TTC3: variants seen among roughly 807,000 people sequenced by gnomAD.
TTC3 encodes tetratricopeptide repeat domain 3.
TTC3 carries 180 observed loss-of-function variants against 249.6 expected under a neutral mutation model. The ratio of observed to expected loss-of-function variants is 0.72; its 90% CI spans 0.64 to 0.82. TTC3 has a LOEUF of 0.82. Ranked by LOEUF, TTC3 falls within the 40% of genes least tolerant of loss-of-function variation. The pLI, the probability that TTC3 is intolerant of heterozygous loss-of-function variation, is 0.00. For synonymous variants in TTC3, 717 were observed against 805.0 expected (o/e 0.89, Z 1.85); for missense variants, 2,061 against 2,398.4 (o/e 0.86, Z 2.94).
At chr21:37,122,701 A>T (rs2076722730) in intron 12 of TTC3, among the ~76,000 whole-genome samples, 1 of 152,028 alleles carries the variant, frequency 6.6e-6, no homozygotes, top group Non-Finnish European at 1.5e-5. Flanking sequence ...TAAGATGGTG[A>T]GCTCCTTGAA....
At chr21:37,090,004 A>G (rs994968027) in intron 5 of TTC3, among the ~76,000 whole-genome samples, 6 of 151,488 alleles carry the variant, frequency 4.0e-5, no homozygotes, top group Admixed American at 6.6e-5. Flanking sequence ...AAAAATTCAC[A>G]TGTCTAAAGA....
chr21:37,194,442 G>C (rs1321750983), intron 41 of TTC3: 1 of 152,148 alleles, frequency 6.6e-6, no homozygotes, highest in Non-Finnish European at 1.5e-5. Flanking sequence ...TTGGTGACCA[G>C]ATGAACTTCT....
chr21:37,076,687 C>G (rs369745705), intron 1 of TTC3, among the ~76,000 whole-genome samples: 2 of 111,738 alleles, frequency 1.8e-5, no homozygotes, highest in Non-Finnish European at 3.7e-5. Context: ...TTGGGGAAAA[C>G]AAAGGGATTT....
At chr21:37,107,691 CTA>C (rs1182696714) in intron 10 of TTC3, 2 of 152,306 alleles carry the variant, frequency 1.3e-5, no homozygotes, top group East Asian at 1.9e-4. Context: ...CTTCCATGCT[CTA>C]TTCAGTGTAG....
intron 11 of TTC3, among the ~76,000 whole-genome samples, chr21:37,117,835 C>CAAA (rs60664616): frequency 1.6e-3 from 120 of 73,428 alleles, no homozygotes; most frequent in African/African-American, 4.8e-3. Context: ...TGCGCCACTT[C>CAAA]AAAAAAAAAA....
chr21:37,147,425 A>G (rs2079075620), intron 21 of TTC3, 56 bp from the exon 22 acceptor site: 2 of 1,473,742 alleles, frequency 1.4e-6, no homozygotes, highest in Non-Finnish European at 1.8e-6. Context: ...AATCACAAGC[A>G]TTTTTATTGA....
chr21:37,096,780 A>G (rs2073987107), intron 10 of TTC3, 137 bp downstream of exon 10: 1 of 620,422 alleles, frequency 1.6e-6, no homozygotes, highest in Non-Finnish European at 2.8e-6. Flanking sequence ...TTAAAAGAGT[A>G]TGCTTAGGCT....
In TTC3 at chr21:37,114,783, A is replaced by G. The variant is rs182659601; in HGVS notation, c.900+6337A>G. ...AATAGCAAAGACTTGGAACCAACCC[A>G]CATGTCCAACAATGATAGACTGGGT... On this transcript the variant is annotated intron_variant, in intron 11 of 45. Coordinates refer to ENST00000355666, the Ensembl canonical transcript of TTC3. Among the ~76,000 whole-genome samples the G allele has an allele frequency of 1.5e-3, 221 of 152,306 alleles. 2 individuals are homozygous for G. Among genetic ancestry groups the G allele is most frequent in the African/African-American group, 4.9e-3 (202 of 41,556 alleles).
chr21:37,140,258 G>T (rs1042513764), intron 19 of TTC3, among the ~76,000 whole-genome samples: 1 of 152,076 alleles, frequency 6.6e-6, no homozygotes, highest in Admixed American at 6.6e-5. Context: ...ACAAAAACAC[G>T]ATTTGACTCT....
intron 4 of TTC3, 62 bp downstream of exon 4, chr21:37,088,408 G>T: frequency 6.5e-7 from 1 of 1,539,088 alleles, no homozygotes; most frequent in Non-Finnish European, 8.8e-7. Context: ...CCAATACCAA[G>T]AAATGCAAGT....
At chr21:37,113,408 C>G (rs2075848677) in intron 11 of TTC3, among the ~76,000 whole-genome samples, 1 of 152,102 alleles carries the variant, frequency 6.6e-6, no homozygotes, top group African/African-American at 2.4e-5. Flanking sequence ...AACAGAGAGC[C>G]AAATCATGAG....
exon 33 of TTC3, chr21:37,166,251 C>T: frequency 1.9e-6 from 3 of 1,614,188 alleles, no homozygotes; most frequent in Non-Finnish European, 2.5e-6. Flanking sequence ...CCCCAGTACA[C>T]CAGCATATAT....
chr21:37,115,468 A>G (rs1377968000), intron 11 of TTC3, among the ~76,000 whole-genome samples: 1 of 152,180 alleles, frequency 6.6e-6, no homozygotes, highest in Non-Finnish European at 1.5e-5. Context: ...GAGCACTATA[A>G]TAGACTCCAC....
intron 11 of TTC3, among the ~76,000 whole-genome samples, chr21:37,111,333 G>C (rs1217105078): frequency 6.6e-6 from 1 of 152,050 alleles, no homozygotes; most frequent in Non-Finnish European, 1.5e-5. Context: ...AGACATATAG[G>C]CTCAAAATAA....
intron 28 of TTC3, 81 bp from the exon 29 acceptor site, chr21:37,159,618 G>A (rs1484318992): frequency 3.5e-6 from 5 of 1,427,848 alleles, no homozygotes; most frequent in East Asian, 2.4e-5. Context: ...GTAGTATGAG[G>A]AGTTATTTTA....
chr21:37,149,311 A>C (rs2079250720), intron 23 of TTC3, among the ~76,000 whole-genome samples: 2 of 152,210 alleles, frequency 1.3e-5, no homozygotes, highest in South Asian at 4.1e-4. Context: ...TTGGGGAAAG[A>C]ATGAGGCAGT....
At chr21:37,160,429 G>A (rs1264328161) in intron 29 of TTC3, among the ~76,000 whole-genome samples, 2 of 152,176 alleles carry the variant, frequency 1.3e-5, no homozygotes, top group Non-Finnish European at 2.9e-5. Flanking sequence ...GTGCCCCAGT[G>A]TCTGGTCAGG....
At chr21:37,165,695 C>A in exon 33 of TTC3, 1 of 1,613,700 alleles carries the variant, frequency 6.2e-7, no homozygotes, top group Non-Finnish European at 8.5e-7. Flanking sequence ...GGGATGCCCT[C>A]GTTTTGTTGT....
chr21:37,117,094 A>G (rs1001118658), intron 11 of TTC3, among the ~76,000 whole-genome samples: 2 of 152,204 alleles, frequency 1.3e-5, no homozygotes, highest in Admixed American at 1.3e-4. Context: ...GAAAAATAGA[A>G]TATAGCAAGG....
Sources: gnomAD v4.1 joint callset for allele counts (sites outside exome capture counted in the v4.1 genomes callset) on GRCh38, gnomAD v4.1.1 for gene constraint, MANE v1.5 for transcripts, NCBI Gene and HGNC (gene_info 2026-07-23, HGNC 2026-07-21) for gene names.